Variants in GREM2 observed in about 807,000 individuals in gnomAD.
GREM2 encodes gremlin 2, DAN family BMP antagonist, also known as gremlin-2.
GREM2 carries 11 observed loss-of-function variants against 14.2 expected under a neutral mutation model. That is an observed-to-expected ratio of 0.78 (90% CI 0.49 to 1.28). The LOEUF is 1.28. Among genes scored for constraint, GREM2 ranks in the 50% most tolerant of loss-of-function variants. The probability of loss-of-function intolerance (pLI) is 0.00; values close to 1 mark genes in which losing one functional copy is unlikely to be tolerated. For missense variants in GREM2, 210 were observed against 218.5 expected (o/e 0.96, Z 0.24); for synonymous variants, 98 against 97.6 (o/e 1.00, Z -0.02).
intron 1 of GREM2, among the ~76,000 whole-genome samples, chr1:240,539,063 A>C (rs1678536266): frequency 6.6e-6 from 1 of 152,196 alleles, no homozygotes. Flanking sequence ...TGCTTATAGA[A>C]TTTCAGAATT....
chr1:240,502,379 A>G (rs142590808), intron 1 of GREM2, among the ~76,000 whole-genome samples: 132 of 152,266 alleles, frequency 8.7e-4, no homozygotes, highest in African/African-American at 2.8e-3. Context: ...ATATTTTTCA[A>G]TTATTTTGCT....
chr1:240,547,010 A>G (rs1678740059), intron 1 of GREM2, among the ~76,000 whole-genome samples: 1 of 152,200 alleles, frequency 6.6e-6, no homozygotes, highest in Admixed American at 6.5e-5. Context: ...GAAGACCGAG[A>G]ACATTGTAGG....
intron 1 of GREM2, among the ~76,000 whole-genome samples, chr1:240,576,173 C>G (rs1471557344): frequency 6.6e-6 from 1 of 152,116 alleles, no homozygotes; most frequent in Non-Finnish European, 1.5e-5. Context: ...TGATGTACAC[C>G]AGCTGATTCG....
chr1:240,505,875 G>T (rs1376809483), intron 1 of GREM2, among the ~76,000 whole-genome samples: 1 of 151,940 alleles, frequency 6.6e-6, no homozygotes, highest in Non-Finnish European at 1.5e-5. Flanking sequence ...CCTTTAGGGA[G>T]TATTTCTACA....
intron 1 of GREM2, among the ~76,000 whole-genome samples, chr1:240,493,861 CA>C (rs1295874457): frequency 6.6e-6 from 1 of 152,220 alleles, no homozygotes; most frequent in Non-Finnish European, 1.5e-5. Flanking sequence ...CAGTGACAGT[CA>C]GGTGGGGCAT....
intron 1 of GREM2, among the ~76,000 whole-genome samples, chr1:240,521,928 A>G (rs971983289): frequency 2.1e-4 from 32 of 152,102 alleles, no homozygotes; most frequent in African/African-American, 6.5e-4. Context: ...CCTGAACAAC[A>G]TGGTGAAACC....
Position 240,526,535 on chromosome 1 carries a change from G to C in GREM2, c.-1-33059C>G, listed in dbSNP as rs141627220. On this transcript the variant is annotated intron_variant, in intron 1 of 1. Coordinates refer to ENST00000318160, the MANE Select transcript of GREM2 (RefSeq NM_022469.4). The stretch of plus-strand genomic sequence containing the variant: ...GTGCAGCTGCTAGCCTCGGTGCCAC[G>C]GCCTAGATCAGGTTACTCCTGCCTT... 1.1e-4 allele frequency among the ~76,000 whole-genome samples: 17 copies of C among 152,134 alleles called. No individual in the cohort carries two copies. The East Asian group carries it at 3.3e-3, about 29-fold the overall frequency.
At chr1:240,584,075 A>G (rs1679541716) in intron 1 of GREM2, among the ~76,000 whole-genome samples, 1 of 152,170 alleles carries the variant, frequency 6.6e-6, no homozygotes, top group South Asian at 2.1e-4. Flanking sequence ...GCATCAATGG[A>G]TTCAACCAAA....
chr1:240,541,397 G>A (rs903543731), intron 1 of GREM2, among the ~76,000 whole-genome samples: 3 of 152,196 alleles, frequency 2.0e-5, no homozygotes, highest in Non-Finnish European at 2.9e-5. Flanking sequence ...TCCTTTGCTT[G>A]CAGGACATTC....
At chr1:240,522,603 G>A (rs993771878) in intron 1 of GREM2, among the ~76,000 whole-genome samples, 7 of 152,142 alleles carry the variant, frequency 4.6e-5, no homozygotes, top group Non-Finnish European at 8.8e-5. Context: ...TTATATGAAT[G>A]TTTGCCCTTG....
chr1:240,501,741 A>G, intron 1 of GREM2, among the ~76,000 whole-genome samples: 1 of 151,994 alleles, frequency 6.6e-6, no homozygotes, highest in Non-Finnish European at 1.5e-5. Flanking sequence ...CGTGTGACTC[A>G]CTCCCAGGCT....
At position 240,540,724 on chromosome 1, in the gene GREM2, A is replaced by G. The variant is rs1204655523; in HGVS notation, c.-1-47248T>C. 6.6e-6 allele frequency among the ~76,000 whole-genome samples: 1 copy of G among 152,084 alleles called. No homozygotes were observed. The highest frequency in any genetic ancestry group is 1.9e-4 in the East Asian group (1 of 5,144). On this transcript the variant is annotated intron_variant, in intron 1 of 1. Coordinates refer to ENST00000318160, the MANE Select transcript of GREM2 (RefSeq NM_022469.4). The surrounding 1 kb of genome is among the most constrained non-coding windows in gnomAD (Gnocchi z 4.2). Reference sequence around the variant, plus strand: ...ACTACAGGCATGCATCACCACGCCCAGCTAATTTTTGTATTTTTAGTAGAG... The same window carrying G: ...ACTACAGGCATGCATCACCACGCCCGGCTAATTTTTGTATTTTTAGTAGAG...
rs149936391 is a variant in GREM2, at chr1:240,560,967, G to A, written c.-2+50917C>T. On this transcript the variant is annotated intron_variant, in intron 1 of 1. Transcript: ENST00000318160. Reference sequence around the variant, plus strand: ...CAAACATTTCCATGATGTAACTCCTGGTGACCCAACCCCTAGTGATATATC... The same window carrying A: ...CAAACATTTCCATGATGTAACTCCTAGTGACCCAACCCCTAGTGATATATC... Among the ~76,000 whole-genome samples, 6 of 152,128 alleles carry A rather than the reference G, an allele frequency of 3.9e-5. No individual in the cohort carries two copies. The East Asian group carries it at 1.2e-3, about 29-fold the overall frequency.
At chr1:240,544,397 T>C (rs1678670296) in intron 1 of GREM2, among the ~76,000 whole-genome samples, 1 of 152,200 alleles carries the variant, frequency 6.6e-6, no homozygotes, top group Admixed American at 6.5e-5. Context: ...TCTGCCCGCC[T>C]TGGCCTCCCA....
At chr1:240,574,575 G>A (rs1679323225) in intron 1 of GREM2, among the ~76,000 whole-genome samples, 1 of 152,124 alleles carries the variant, frequency 6.6e-6, no homozygotes, top group African/African-American at 2.4e-5. Flanking sequence ...TTTGCAGATG[G>A]GTTAAGTAAA....
At chr1:240,495,914 AAT>A (rs1193621103) in intron 1 of GREM2, among the ~76,000 whole-genome samples, 2 of 150,448 alleles carry the variant, frequency 1.3e-5, no homozygotes, top group Non-Finnish European at 3.0e-5. Flanking sequence ...TATCTTAGAG[AAT>A]AAGGCAAAGG....
At chr1:240,607,294 G>T (rs1432289838) in intron 1 of GREM2, among the ~76,000 whole-genome samples, 2 of 151,934 alleles carry the variant, frequency 1.3e-5, no homozygotes, top group Admixed American at 1.3e-4. Flanking sequence ...GGAAACAGGT[G>T]CAAACCCAGG....
At chr1:240,592,285 G>A (rs1679729627) in intron 1 of GREM2, among the ~76,000 whole-genome samples, 1 of 152,144 alleles carries the variant, frequency 6.6e-6, no homozygotes, top group Non-Finnish European at 1.5e-5. Flanking sequence ...AAGTTTATAT[G>A]CAAAGAGACT....
intron 1 of GREM2, among the ~76,000 whole-genome samples, chr1:240,541,783 A>G (rs1678595033): frequency 6.6e-6 from 1 of 152,098 alleles, no homozygotes; most frequent in South Asian, 2.1e-4. Context: ...AAGACAAGCA[A>G]GTGGCTTGGA....
Sources: gnomAD v4.1 joint callset for allele counts (sites outside exome capture counted in the v4.1 genomes callset) on GRCh38, gnomAD v4.1.1 for gene constraint, Gnocchi (gnomAD v3.1) non-coding constraint, MANE v1.5 for transcripts, NCBI Gene and HGNC (gene_info 2026-07-23, HGNC 2026-07-21) for gene names.